The following DMXL2 variants were observed in gnomAD, a reference collection of about 807,000 sequenced individuals.
DMXL2 encodes the protein Dmx like 2.
Under a neutral mutation model 331.1 loss-of-function variants are expected in DMXL2, and 103 were observed. That is an observed-to-expected ratio of 0.31 (90% CI 0.27 to 0.37). The LOEUF is 0.37. DMXL2 is among the 10% of genes least tolerant of loss of function. The probability of loss-of-function intolerance (pLI) is 1.00; values close to 1 mark genes in which losing one functional copy is unlikely to be tolerated. For synonymous variants in DMXL2, 1,281 were observed against 1,252.1 expected (o/e 1.02, Z -0.49); for missense variants, 3,171 against 3,642.9 (o/e 0.87, Z 3.33).
At chr15:51,465,947 A>G (rs2040529692) in intron 30 of DMXL2, among the ~76,000 whole-genome samples, 1 of 152,200 alleles carries the variant, frequency 6.6e-6, no homozygotes, top group Non-Finnish European at 1.5e-5. Context: ...CATGAGTTAC[A>G]TATTTTTTCC....
intron 1 of DMXL2, among the ~76,000 whole-genome samples, chr15:51,586,634 C>G (rs2051849243): frequency 6.6e-6 from 1 of 151,534 alleles, no homozygotes; most frequent in South Asian, 2.1e-4. Flanking sequence ...GGAGCTATAA[C>G]AAACTTCTAA....
At chr15:51,479,816 A>C (rs1475298195) in intron 25 of DMXL2, 132 bp downstream of exon 25, 1 of 532,434 alleles carries the variant, frequency 1.9e-6, no homozygotes, top group African/African-American at 2.0e-5. Flanking sequence ...TTGGACTAAT[A>C]GTCTTGAACT....
intron 6 of DMXL2, among the ~76,000 whole-genome samples, chr15:51,558,661 A>C (rs947007433): frequency 6.6e-6 from 1 of 152,200 alleles, no homozygotes; most frequent in Non-Finnish European, 1.5e-5. Flanking sequence ...GTGCCAACTA[A>C]CTGCTGAGCA....
At position 51,536,681 on chromosome 15, in the gene DMXL2, C is replaced by T; in HGVS notation, c.1799G>A (p.Ser600Asn). Residue 600 changes from serine (S) to asparagine (N), a missense_variant, in exon 12 of 44, where the codon AGT becomes AAT. Physicochemically the swap from Ser to Asn is conservative, Grantham distance 46. This residue lies in a region of DMXL2 where 1,674 missense variants were observed against 1,780.2 expected (regional missense o/e 0.94). Transcript: ENST00000560891. ...GGGAGCTAAGATGTTCATATGTGTA[C>T]TGTGGGATCTAGAGTGTGGCTGTGA... ...HGSQPHSRSH[S>N]THMNILAPTV... The T allele has an allele frequency of 6.2e-7, 1 of 1,614,082 alleles. No individual in the cohort carries two copies. Among genetic ancestry groups the T allele is most frequent in the Non-Finnish European group, 8.5e-7 (1 of 1,179,988 alleles).
intron 2 of DMXL2, among the ~76,000 whole-genome samples, chr15:51,569,812 G>T (rs1052237501): frequency 1.3e-5 from 2 of 152,104 alleles, no homozygotes; most frequent in African/African-American, 4.8e-5. Flanking sequence ...AAAAAAGGTA[G>T]ATAAATCCAT....
chr15:51,465,395 AAAAAAT>A (rs1484129794), intron 31 of DMXL2, among the ~76,000 whole-genome samples, 165 bp downstream of exon 31: 1 of 152,186 alleles, frequency 6.6e-6, no homozygotes, highest in Non-Finnish European at 1.5e-5. Context: ...ACTCTATCTA[AAAAAAT>A]AAAAATAAAG....
chr15:51,465,690 A>G (rs1566987651), intron 30 of DMXL2, 39 bp from the exon 31 acceptor site: 1 of 1,416,254 alleles, frequency 7.1e-7, no homozygotes. Flanking sequence ...TAAGTGAAAA[A>G]TAAAATCATG....
chr15:51,459,326 C>A, intron 34 of DMXL2: 1 of 239,714 alleles, frequency 4.2e-6, no homozygotes, highest in Non-Finnish European at 8.6e-6. Context: ...AAAGAAAAGG[C>A]AGAATCAAGA....
intron 1 of DMXL2, among the ~76,000 whole-genome samples, chr15:51,595,702 G>A (rs994001322): frequency 2.9e-4 from 44 of 152,262 alleles, no homozygotes; most frequent in African/African-American, 8.7e-4. Flanking sequence ...AAACAGTATG[G>A]TACTGGTACC....
Position 51,593,077 on chromosome 15 carries a change from A to C in DMXL2, c.88-16896T>G, listed in dbSNP as rs567399202. On this transcript the variant is annotated intron_variant, in intron 1 of 43. Coordinates refer to ENST00000560891, the MANE Select transcript of DMXL2 (RefSeq NM_001378457.1). Reference sequence around the variant, plus strand: ...TCACACCTGACAATATTAACCTTAAATGTAAATGGGCTAAATGCTCCAATT... The same window carrying C: ...TCACACCTGACAATATTAACCTTAACTGTAAATGGGCTAAATGCTCCAATT... Among the ~76,000 whole-genome samples the C allele has an allele frequency of 9.8e-5, 15 of 152,326 alleles. No homozygotes were observed. In the South Asian group the frequency reaches 3.1e-3, roughly 32 times the overall value.
At chr15:51,467,739 T>TA (rs1461835254) in intron 29 of DMXL2, among the ~76,000 whole-genome samples, 2 of 151,946 alleles carry the variant, frequency 1.3e-5, no homozygotes, top group African/African-American at 2.4e-5. Context: ...CTTTTTTTTT[T>TA]TTTTTGAGAC....
chr15:51,620,933 C>T (rs142996952), intron 1 of DMXL2, among the ~76,000 whole-genome samples: 1 of 152,314 alleles, frequency 6.6e-6, no homozygotes, highest in East Asian at 1.9e-4. Context: ...TGAGACAGCA[C>T]TCCACTTTAG....
chr15:51,450,065 G>A, intron 43 of DMXL2, 64 bp downstream of exon 43: 1 of 1,410,434 alleles, frequency 7.1e-7, no homozygotes, highest in African/African-American at 1.4e-5. Flanking sequence ...AAAGAATGTG[G>A]AGTTTTTGTT....
rs778346881 is a variant in DMXL2 at position 51,537,582 on chromosome 15, A to G, written c.1523T>C (p.Met508Thr). 15 of 1,613,800 alleles carry G rather than the reference A, an allele frequency of 9.3e-6. No homozygotes were observed. Among genetic ancestry groups the G allele is most frequent in the East Asian group, 4.5e-5 (2 of 44,868 alleles). ...LLTEWNKNPD[M>T]LFTIHPVDGT... The stretch of plus-strand genomic sequence containing the variant: ...ATCTACAGGGTGTATTGTAAAAAGC[A>G]TATCAGGATTCTTATTCCATTCAGT... The change falls in exon 11 of 44, where the codon ATG (methionine) becomes ACG (threonine). Residue 508 changes from methionine (M) to threonine (T), a missense_variant. Physicochemically the swap from Met to Thr is moderately conservative, Grantham distance 81 (BLOSUM62 -1). Transcript: ENST00000560891.
chr15:51,565,191 TAAGAAAA>T (rs1252166848), intron 3 of DMXL2, 25 bp from the exon 4 acceptor site: 4 of 1,489,200 alleles, frequency 2.7e-6, no homozygotes, highest in Non-Finnish European at 3.6e-6. Flanking sequence ...CAAAAAGAAA[TAAGAAAA>T]AAGAAAAAGA....
At chr15:51,589,940 A>T (rs2052165413) in intron 1 of DMXL2, among the ~76,000 whole-genome samples, 1 of 152,238 alleles carries the variant, frequency 6.6e-6, no homozygotes, top group Non-Finnish European at 1.5e-5. Flanking sequence ...TAAAGCAATA[A>T]AAAAGCAAAC....
intron 4 of DMXL2, among the ~76,000 whole-genome samples, chr15:51,564,827 TAA>T (rs1203888604): frequency 6.6e-6 from 1 of 151,918 alleles, no homozygotes; most frequent in Non-Finnish European, 1.5e-5. Flanking sequence ...ACAACAAGAG[TAA>T]AGGGCAGTAC....
rs546275685 is a variant in DMXL2, at chr15:51,585,670, A to C, written c.88-9489T>G. 7.9e-5 allele frequency among the ~76,000 whole-genome samples: 12 copies of C among 152,328 alleles called. No individual in the cohort carries two copies. In the South Asian group the frequency reaches 2.5e-3, roughly 32 times the overall value. ...AAGATTATAGCCCCAAGCTGTATAA[A>C]AGTACCTATTTCTCCACTTACTCAC... On this transcript the variant is annotated intron_variant, in intron 1 of 43. Transcript: ENST00000560891.
intron 1 of DMXL2, 64 bp downstream of exon 1, chr15:51,622,395 G>A (rs1246986467): frequency 1.3e-6 from 2 of 1,546,158 alleles, no homozygotes; most frequent in African/African-American, 1.4e-5. Context: ...GCCCTGGACA[G>A]GAGGTCCCTG....
Sources: allele counts gnomAD v4.1 joint callset (sites outside exome capture counted in the v4.1 genomes callset), GRCh38; gene constraint gnomAD v4.1.1; regional missense constraint gnomAD v4.1.1; transcripts MANE v1.5; gene names NCBI Gene and HGNC (gene_info 2026-07-23, HGNC 2026-07-21).